Variants in FAM135B observed in about 807,000 individuals in gnomAD.
FAM135B encodes the protein protein FAM135B.
Under a neutral mutation model 127.7 loss-of-function variants are expected in FAM135B, and 43 were observed. The ratio of observed to expected loss-of-function variants is 0.34; its 90% confidence interval spans 0.26 to 0.43. The LOEUF is 0.43. FAM135B is among the 20% of genes least tolerant of loss of function. The pLI, the probability that FAM135B is intolerant of heterozygous loss-of-function variation, is 1.00. For missense variants in FAM135B, 1,558 were observed against 1,725.6 expected (o/e 0.90, Z 1.72); for synonymous variants, 670 against 665.1 (o/e 1.01, Z -0.11).
intron 7 of FAM135B, among the ~76,000 whole-genome samples, chr8:138,216,045 A>C (rs1227424292): frequency 6.6e-6 from 1 of 152,190 alleles, no homozygotes; most frequent in African/African-American, 2.4e-5. Context: ...TACAGTGAAC[A>C]GTACAGTGTA....
Position 138,131,385 on chromosome 8 carries a change from T to C in FAM135B, c.*1208A>G, listed in dbSNP as rs924199328. On this transcript the variant is annotated 3_prime_UTR_variant, in exon 20 of 20. Coordinates refer to ENST00000395297, the MANE Select transcript of FAM135B (RefSeq NM_015912.4). ...TTTGAGACCTGACTATTAAACATCCTGGTAATTTTCAAAACTCCCCTTTGA... is the reference window on the plus strand; with the variant it reads ...TTTGAGACCTGACTATTAAACATCCCGGTAATTTTCAAAACTCCCCTTTGA... 2.0e-4 allele frequency: 31 copies of C among 152,540 alleles called. No homozygotes were observed. The allele number at this position is 152,540 out of a possible 1,614,324, so 9.4% of individuals were successfully genotyped here.
At chr8:138,355,454 C>A (rs1288028849) in intron 2 of FAM135B, among the ~76,000 whole-genome samples, 3 of 70,826 alleles carry the variant, frequency 4.2e-5, no homozygotes, top group Non-Finnish European at 8.2e-5. Flanking sequence ...TTATTCTCAG[C>A]AAACTATCAC....
intron 2 of FAM135B, among the ~76,000 whole-genome samples, chr8:138,314,776 G>A (rs1218770667): frequency 6.7e-6 from 1 of 148,484 alleles, no homozygotes; most frequent in Non-Finnish European, 1.5e-5. Context: ...GTTACTTGAA[G>A]GGCTGAGGTG....
chr8:138,486,374 GA>G (rs1242010111), intron 1 of FAM135B, among the ~76,000 whole-genome samples: 3 of 152,124 alleles, frequency 2.0e-5, no homozygotes, highest in African/African-American at 7.2e-5. Context: ...TGTCTTAAAG[GA>G]AGACCTGGAG....
At position 138,444,182 on chromosome 8, in the gene FAM135B, G is replaced by A. The variant is rs369644648; in HGVS notation, c.-20+52489C>T. On this transcript the variant is annotated intron_variant, in intron 1 of 19. Transcript: ENST00000395297. ...CTTAGAGACCTACAAAGAGACTTAG[G>A]CTCCCACACAATAATAATGGGAAAC... 1.1e-4 allele frequency among the ~76,000 whole-genome samples: 16 copies of A among 152,080 alleles called. No individual in the cohort carries two copies. In the East Asian group the frequency reaches 1.5e-3, roughly 15 times the overall value.
chr8:138,408,944 C>T (rs1281117520), intron 1 of FAM135B, among the ~76,000 whole-genome samples: 1 of 152,158 alleles, frequency 6.6e-6, no homozygotes, highest in African/African-American at 2.4e-5. Context: ...AAACTTTCTC[C>T]ATTTCAGCGA....
intron 1 of FAM135B, among the ~76,000 whole-genome samples, chr8:138,436,271 T>G (rs1463252526): frequency 6.6e-6 from 1 of 152,176 alleles, no homozygotes; most frequent in Non-Finnish European, 1.5e-5. Context: ...GATCAATGGA[T>G]ATAAATTGCT....
intron 12 of FAM135B, among the ~76,000 whole-genome samples, chr8:138,163,189 G>A (rs1819560401): frequency 6.6e-6 from 1 of 152,094 alleles, no homozygotes; most frequent in Non-Finnish European, 1.5e-5. Context: ...CAATCCCCTG[G>A]AGGAGAAATT....
intron 3 of FAM135B, among the ~76,000 whole-genome samples, chr8:138,307,657 G>T (rs1434475740): frequency 6.7e-6 from 1 of 150,136 alleles, no homozygotes; most frequent in Non-Finnish European, 1.5e-5. Context: ...CAAGCACTAT[G>T]CTAGGGGCTT....
intron 9 of FAM135B, among the ~76,000 whole-genome samples, chr8:138,189,413 C>T (rs1016811553): frequency 1.3e-5 from 2 of 152,196 alleles, no homozygotes; most frequent in African/African-American, 2.4e-5. Context: ...GCTCGCGTAC[C>T]ACAGGTGTGG....
chr8:138,276,976 T>C (rs1179632176), intron 3 of FAM135B, among the ~76,000 whole-genome samples: 3 of 152,190 alleles, frequency 2.0e-5, no homozygotes, highest in African/African-American at 7.2e-5. Flanking sequence ...CTCAGAGCAG[T>C]GCTTGTTATA....
intron 1 of FAM135B, among the ~76,000 whole-genome samples, chr8:138,489,966 T>C (rs1394339712): frequency 6.6e-6 from 1 of 152,230 alleles, no homozygotes; most frequent in Non-Finnish European, 1.5e-5. Flanking sequence ...ATCATAGCTT[T>C]GCCACTGTAT....
chr8:138,494,064 T>C (rs887688763), intron 1 of FAM135B, among the ~76,000 whole-genome samples: 1 of 152,222 alleles, frequency 6.6e-6, no homozygotes, highest in Non-Finnish European at 1.5e-5. Context: ...CAACACCAGA[T>C]TTCAGTTATC....
chr8:138,411,398 T>G (rs1226440668), intron 1 of FAM135B, among the ~76,000 whole-genome samples: 2 of 152,280 alleles, frequency 1.3e-5, no homozygotes, highest in South Asian at 2.1e-4. Flanking sequence ...GGATTCCCTA[T>G]TTAATAAATG....
chr8:138,417,864 T>A (rs1834256758), intron 1 of FAM135B, among the ~76,000 whole-genome samples: 1 of 152,136 alleles, frequency 6.6e-6, no homozygotes, highest in Non-Finnish European at 1.5e-5. Context: ...AAAATAAGCA[T>A]AAGAACTCTG....
chr8:138,496,553 C>A (rs1168371381), intron 1 of FAM135B, 118 bp downstream of exon 1: 1 of 152,380 alleles, frequency 6.6e-6, no homozygotes, highest in African/African-American at 2.4e-5. Flanking sequence ...CCACATTTTG[C>A]GGCGGAATCG....
chr8:138,445,874 G>A (rs1836122788), intron 1 of FAM135B, among the ~76,000 whole-genome samples: 6 of 152,138 alleles, frequency 3.9e-5, no homozygotes, highest in Admixed American at 3.9e-4. Flanking sequence ...ATCCCTGTTT[G>A]CAGATGACAT....
At chr8:138,416,382 C>T (rs1373397369) in intron 1 of FAM135B, among the ~76,000 whole-genome samples, 1 of 152,106 alleles carries the variant, frequency 6.6e-6, no homozygotes, top group East Asian at 1.9e-4. Context: ...ATACATAAGA[C>T]CTGTTGTTTT....
chr8:138,471,062 A>G (rs2131647772), intron 1 of FAM135B, among the ~76,000 whole-genome samples: 1 of 152,338 alleles, frequency 6.6e-6, no homozygotes, highest in Non-Finnish European at 1.5e-5. Flanking sequence ...GCTGAAATGT[A>G]TGCTCTTAGT....
Sources: gnomAD v4.1 joint callset for allele counts (sites outside exome capture counted in the v4.1 genomes callset) on GRCh38, gnomAD v4.1.1 for gene constraint, MANE v1.5 for transcripts, NCBI Gene and HGNC (gene_info 2026-07-23, HGNC 2026-07-21) for gene names.